The following CCDC13 variants were observed in gnomAD, a reference collection of about 807,000 sequenced individuals.
The protein encoded by CCDC13 is coiled-coil domain containing 13.
CCDC13 carries 70 observed loss-of-function variants against 87.3 expected under a neutral mutation model. The ratio of observed to expected loss-of-function variants is 0.80; its 90% CI spans 0.66 to 0.98. The LOEUF (loss-of-function observed/expected upper bound fraction) is 0.98. Ranked by LOEUF, CCDC13 falls within the 50% of genes least tolerant of loss-of-function variation. The pLI is 0.00. For synonymous variants in CCDC13, 317 were observed against 360.3 expected (o/e 0.88, Z 1.36); for missense variants, 842 against 892.0 (o/e 0.94, Z 0.71).
At chr3:42,758,501 T>A in intron 1 of CCDC13, 150 bp from the exon 2 acceptor site, 1 of 722,628 alleles carries the variant, frequency 1.4e-6, no homozygotes. Flanking sequence ...CACCCTCACC[T>A]CAGATCACTA....
At chr3:42,755,468 G>A (rs1699684454) in intron 3 of CCDC13, among the ~76,000 whole-genome samples, 2 of 152,170 alleles carry the variant, frequency 1.3e-5, no homozygotes, top group South Asian at 2.1e-4. Context: ...TTAGCTGGGT[G>A]TGGTGGCACA....
chr3:42,772,408 A>G (rs189277279), intron 1 of CCDC13, among the ~76,000 whole-genome samples: 34 of 152,254 alleles, frequency 2.2e-4, no homozygotes, highest in Admixed American at 1.2e-3. Context: ...CCTATGAGGA[A>G]GCAAGATCCC....
chr3:42,730,315 T>G, intron 13 of CCDC13, 152 bp downstream of exon 13: 1 of 1,058,738 alleles, frequency 9.4e-7, no homozygotes, highest in Non-Finnish European at 1.3e-6. Flanking sequence ...GGCCCCAAGG[T>G]TGTGGGGCGC....
At chr3:42,765,636 T>C (rs1258495917) in intron 1 of CCDC13, among the ~76,000 whole-genome samples, 1 of 151,930 alleles carries the variant, frequency 6.6e-6, no homozygotes, top group East Asian at 1.9e-4. Flanking sequence ...GAATGAGAGG[T>C]GTTAAGCACT....
rs537831201 is a variant in CCDC13 at position 42,722,294 on chromosome 3, C to T, written c.1718+8173G>A. Among the ~76,000 whole-genome samples the T allele has an allele frequency of 5.9e-5, 9 of 152,256 alleles. No individual in the cohort carries two copies. In the South Asian group the frequency reaches 1.9e-3, roughly 32 times the overall value. ...GGAGAAGTTACAAAAGATGGATCTT[C>T]GTCCCTCTGCAACCCTTAGGATTAA... On this transcript the variant is annotated intron_variant, in intron 13 of 15. Transcript: ENST00000310232.
At chr3:42,738,270 A>G (rs988000590) in intron 9 of CCDC13, among the ~76,000 whole-genome samples, 4 of 152,124 alleles carry the variant, frequency 2.6e-5, no homozygotes, top group African/African-American at 9.7e-5. Flanking sequence ...ATTGGTCTAT[A>G]TATCTGTTTT....
At chr3:42,704,593 G>A (rs904202573), downstream of CCDC13, 3 of 152,334 alleles carry the variant, frequency 2.0e-5, no homozygotes, top group Admixed American at 6.5e-5. Context: ...TCAGAAGTGA[G>A]GCCTTCCCTG....
rs141942240 is a variant in CCDC13 at position 42,709,006 on chromosome 3, G to A, written c.2122C>T (p.Arg708Trp). 8.9e-5 allele frequency: 144 copies of A among 1,612,898 alleles called. No homozygotes were observed. Among genetic ancestry groups the A allele is most frequent in the Middle Eastern group, 3.3e-4 (2 of 6,056 alleles). The change falls in exon 16 of 16, where the codon CGG becomes TGG. Residue 708 changes from arginine to tryptophan, a missense_variant. Coordinates refer to ENST00000310232, the MANE Select transcript of CCDC13 (RefSeq NM_144719.4). ...QVKSVFLQAL[R>W]QQKTGKQ ...TATTGCTTGCCTGTCTTCTGCTGCC[G>A]CAGGGCCTGCAGGAAGACACTTTTC...
chr3:42,749,974 T>C (rs1699531470), intron 5 of CCDC13: 1 of 456,134 alleles, frequency 2.2e-6, no homozygotes, highest in Non-Finnish European at 4.4e-6. Flanking sequence ...AGGGGAAACA[T>C]TGCTTTTGCT....
At chr3:42,736,092 AGGT>A (rs1699006917) in intron 9 of CCDC13, among the ~76,000 whole-genome samples, 179 bp from the exon 10 acceptor site, 1 of 152,250 alleles carries the variant, frequency 6.6e-6, no homozygotes, top group Non-Finnish European at 1.5e-5. Flanking sequence ...TGAATCAGGC[AGGT>A]GGGGACCATG....
intron 5 of CCDC13, among the ~76,000 whole-genome samples, chr3:42,750,725 C>T (rs980737829): frequency 6.6e-6 from 1 of 152,252 alleles, no homozygotes; most frequent in African/African-American, 2.4e-5. Context: ...GCCTCAGCCT[C>T]CCAAAGTGCT....
chr3:42,749,728 G>C (rs559427137), intron 5 of CCDC13: 1 of 377,622 alleles, frequency 2.6e-6, no homozygotes, highest in Admixed American at 3.2e-5. Context: ...CTGGGTATGG[G>C]TACGCTCCCT....
At chr3:42,731,378 C>G (rs1159061665) in intron 12 of CCDC13, among the ~76,000 whole-genome samples, 1 of 151,866 alleles carries the variant, frequency 6.6e-6, no homozygotes, top group Non-Finnish European at 1.5e-5. Context: ...GGCCCCAGTT[C>G]CCCCACTAAA....
Position 42,751,998 on chromosome 3 carries a change from C to T in CCDC13, c.541G>A (p.Ala181Thr). The T allele has an allele frequency of 2.5e-6, 4 of 1,608,938 alleles. No individual in the cohort carries two copies. Among genetic ancestry groups the T allele is most frequent in the Non-Finnish European group, 3.4e-6 (4 of 1,180,002 alleles). Residue 181 changes from alanine (A) to threonine (T), a missense_variant, in exon 5 of 16, where the codon GCC becomes ACC. By Grantham distance (58) the Ala-to-Thr change is moderately conservative. Transcript: ENST00000310232. Reference sequence around the variant, plus strand: ...GCTCCTGCGTCGGTGGCCCCCTTGGCTGACAGCCTGGTCAGGGCTGTCTGC... The same window carrying T: ...GCTCCTGCGTCGGTGGCCCCCTTGGTTGACAGCCTGGTCAGGGCTGTCTGC... Reference protein sequence around the residue: ...ELQTALTRLSAKGATDAGAKP... With the variant: ...ELQTALTRLSTKGATDAGAKP...
Position 42,747,389 on chromosome 3 carries a change from A to C in CCDC13, c.604-16T>G. On this transcript the variant is annotated splice_polypyrimidine_tract_variant and intron_variant, in intron 5 of 15. Transcript: ENST00000310232. Reference sequence around the variant, plus strand: ...GGGTCTCCAGCTGGTTGGGAAGGACAGGAGAGAAAGTAGTCATTTATTGCC... The same window carrying C: ...GGGTCTCCAGCTGGTTGGGAAGGACCGGAGAGAAAGTAGTCATTTATTGCC... 6.4e-7 allele frequency: 1 copy of C among 1,560,408 alleles called. No homozygotes were observed. Among genetic ancestry groups the C allele is most frequent in the Non-Finnish European group, 8.8e-7 (1 of 1,132,180 alleles).
intron 13 of CCDC13, among the ~76,000 whole-genome samples, chr3:42,722,791 CTTTTTTT>C (rs956889825): frequency 3.7e-5 from 4 of 109,098 alleles, no homozygotes; most frequent in Non-Finnish European, 5.5e-5. Flanking sequence ...TATTCCTTTA[CTTTTTTT>C]TTTTTTTTTT....
chr3:42,715,791 T>A (rs1410139049), intron 13 of CCDC13, among the ~76,000 whole-genome samples: 1 of 152,062 alleles, frequency 6.6e-6, no homozygotes, highest in Non-Finnish European at 1.5e-5. Context: ...TGAGAGTGGG[T>A]TTCTGATAAA....
rs192044007 is a variant in CCDC13, at chr3:42,771,141, T to G, written c.-7+2035A>C. ...TATTCAGTGATGAAAAGAAATGAGCTATCACGCCACGAAAAGACATGAAAG... is the reference window on the plus strand; with the variant it reads ...TATTCAGTGATGAAAAGAAATGAGCGATCACGCCACGAAAAGACATGAAAG... On this transcript the variant is annotated intron_variant, in intron 1 of 15. Coordinates refer to ENST00000310232, the MANE Select transcript of CCDC13 (RefSeq NM_144719.4). The G allele has an allele frequency of 5.3e-5, 8 of 152,324 alleles. No homozygotes were observed. The East Asian group carries it at 1.4e-3, about 26-fold the overall frequency. The allele number at this position is 152,324 out of a possible 1,614,324, so 9.4% of individuals were successfully genotyped here.
chr3:42,733,329 G>A (rs1698892193), intron 11 of CCDC13, 141 bp downstream of exon 11: 1 of 1,038,056 alleles, frequency 9.6e-7, no homozygotes. Flanking sequence ...TGTCATAGGA[G>A]AGGCCCACGT....
Sources: allele counts gnomAD v4.1 joint callset (sites outside exome capture counted in the v4.1 genomes callset), GRCh38; gene constraint gnomAD v4.1.1; transcripts MANE v1.5; gene names NCBI Gene and HGNC (gene_info 2026-07-23, HGNC 2026-07-21).